Variants in ABCC9 observed in about 807,000 individuals in gnomAD.
ABCC9 encodes ATP binding cassette subfamily C member 9, also known as ATP-binding cassette sub-family C member 9.
In ABCC9, 95 loss-of-function variants were observed where a neutral mutation model predicts 188.3. That is an observed-to-expected ratio of 0.50 (90% confidence interval 0.43 to 0.60). The LOEUF (loss-of-function observed/expected upper bound fraction) is 0.60, where lower values mean the gene tolerates loss of function less well. Ranked by LOEUF, ABCC9 falls within the 20% of genes least tolerant of loss-of-function variation. The pLI, the probability that ABCC9 is intolerant of heterozygous loss-of-function variation, is 0.00. For missense variants in ABCC9, 1,102 were observed against 1,876.3 expected, an observed-to-expected ratio of 0.59 and a Z score of 7.62; for synonymous variants, 659 against 652.7, an observed-to-expected ratio of 1.01 and a Z score of -0.15.
rs1474098186 is a variant in ABCC9 at position 21,842,526 on chromosome 12, A to T, written c.3316-55T>A. On this transcript the variant is annotated intron_variant, in intron 28 of 39. Transcript: ENST00000261200. ...ATTAGCCCAGTGAAATATTGGCTGCAATGTAACAAAAATACCTATTTTTAT... is the reference window on the plus strand; with the variant it reads ...ATTAGCCCAGTGAAATATTGGCTGCTATGTAACAAAAATACCTATTTTTAT... 2.6e-6 allele frequency: 4 copies of T among 1,556,406 alleles called. No individual in the cohort carries two copies. The Admixed American group carries it at 6.7e-5, about 26-fold the overall frequency.
chr12:21,903,193 C>T (rs1340834018), intron 12 of ABCC9, among the ~76,000 whole-genome samples: 1 of 152,180 alleles, frequency 6.6e-6, no homozygotes, highest in East Asian at 1.9e-4. Context: ...ATGATTATCT[C>T]AGTAGATGCA....
At position 21,797,503 on chromosome 12, in the gene ABCC9, A is replaced by G. The variant is rs78132170; in HGVS notation, c.*3541T>C. 1 of 152,370 alleles carries G rather than the reference A, an allele frequency of 6.6e-6. No individual in the cohort carries two copies. Among genetic ancestry groups the G allele is most frequent in the East Asian group, 1.9e-4 (1 of 5,194 alleles). The allele number at this position is 152,370 out of a possible 1,614,324, so 9.4% of individuals were successfully genotyped here. On this transcript the variant is annotated 3_prime_UTR_variant, in exon 40 of 40. Transcript: ENST00000261200. Reference sequence around the variant, plus strand: ...AACAAATACATTTTATATATTGTAGAGAATAAATAGAATAAACACAACATA... The same window carrying G: ...AACAAATACATTTTATATATTGTAGGGAATAAATAGAATAAACACAACATA...
At chr12:21,893,967 C>T in intron 14 of ABCC9, 65 bp downstream of exon 14, 3 of 1,512,630 alleles carry the variant, frequency 2.0e-6, no homozygotes, top group Non-Finnish European at 2.7e-6. Flanking sequence ...TTTTCAAATA[C>T]TCCTATTAGC....
At chr12:21,921,605 G>A (rs1948822607) in intron 5 of ABCC9, among the ~76,000 whole-genome samples, 2 of 151,936 alleles carry the variant, frequency 1.3e-5, no homozygotes, top group South Asian at 4.1e-4. Context: ...TTATTGCTCT[G>A]GTTGCCTGTG....
chr12:21,858,843 G>T (rs1945359852), intron 22 of ABCC9, among the ~76,000 whole-genome samples: 1 of 152,076 alleles, frequency 6.6e-6, no homozygotes, highest in South Asian at 2.1e-4. Context: ...ATTGATAAGT[G>T]GTTAATAATT....
At chr12:21,815,321 A>T (rs1942536789) in intron 34 of ABCC9, among the ~76,000 whole-genome samples, 2 of 138,826 alleles carry the variant, frequency 1.4e-5, no homozygotes, top group African/African-American at 2.7e-5. Context: ...ATATTGTTGG[A>T]CTAACAAATA....
chr12:21,852,615 T>TC (rs1478713489), intron 22 of ABCC9, 110 bp from the exon 23 acceptor site: 1 of 1,279,472 alleles, frequency 7.8e-7, no homozygotes, highest in African/African-American at 1.5e-5. Context: ...ATCCCCCAAA[T>TC]CTAATTTATT....
chr12:21,843,450 G>GT (rs1944489771), intron 28 of ABCC9, among the ~76,000 whole-genome samples: 1 of 152,062 alleles, frequency 6.6e-6, no homozygotes, highest in African/African-American at 2.4e-5. Context: ...TTCTTTCTCT[G>GT]TACAGGATTG....
rs112065766 is a variant in ABCC9, at chr12:21,888,006, C to T, written c.1803-72G>A. 280 of 1,122,160 alleles carry T rather than the reference C, an allele frequency of 2.5e-4. 2 individuals are homozygous for T. Among genetic ancestry groups the T allele is most frequent in the Non-Finnish European group, 3.5e-4 (254 of 733,534 alleles). 69.5% of individuals were successfully genotyped at this position (1,122,160 alleles called of 1,614,324 possible). A position where few individuals can be genotyped will look rare whatever the true frequency, so the allele number is the denominator to read the frequency against. The stretch of plus-strand genomic sequence containing the variant: ...CACCAACAAAGTGCTACCTAAATAA[C>T]GACTTTAACACACAGTATTATGGTG... On this transcript the variant is annotated intron_variant, in intron 14 of 39. Transcript: ENST00000261200.
At chr12:21,935,595 G>C (rs1045318021) in intron 3 of ABCC9, among the ~76,000 whole-genome samples, 7 of 151,956 alleles carry the variant, frequency 4.6e-5, no homozygotes, top group African/African-American at 1.7e-4. Flanking sequence ...TTATTTAATT[G>C]GAAAGATACC....
chr12:21,843,807 A>G (rs920002211), intron 28 of ABCC9, among the ~76,000 whole-genome samples: 21 of 152,190 alleles, frequency 1.4e-4, no homozygotes, highest in African/African-American at 5.1e-4. Flanking sequence ...CATACTCTGC[A>G]GTCAGCTGCA....
rs767089303 is a variant in ABCC9 at position 21,815,886 on chromosome 12, A to G, written c.3900T>C (p.Ser1300=). 2 of 1,612,940 alleles carry G rather than the reference A, an allele frequency of 1.2e-6. No homozygotes were observed. The highest frequency in any genetic ancestry group is 1.7e-6 in the Non-Finnish European group (2 of 1,179,454). Residue 1300 remains serine, a synonymous_variant, in exon 34 of 40, where the codon TCT becomes TCC. Coordinates refer to ENST00000261200, the MANE Select transcript of ABCC9 (RefSeq NM_020297.4). ...CTTGTGGCCAATGTTCTGGAACTTGAGAAGGATCTGGAGGATGGGATGGGG... is the reference window on the plus strand; with the variant it reads ...CTTGTGGCCAATGTTCTGGAACTTGGGAAGGATCTGGAGGATGGGATGGGG... ...SENYEGTMDP[S]QVPEHWPQEG...
chr12:21,916,982 C>A lies in ABCC9; in HGVS notation c.528G>T (p.Leu176Phe). The change falls in exon 6 of 40, where the codon TTG becomes TTT. Residue 176 changes from leucine to phenylalanine, a missense_variant. Coordinates refer to ENST00000261200, the MANE Select transcript of ABCC9 (RefSeq NM_020297.4). ...RFCITGMMVI[L>F]NGLLMAVEIN... ...TCTCCACAGCCATCAAGAGCCCATT[C>A]AAGATGACCATCATGCCTGTGATGC... 6.2e-7 allele frequency: 1 copy of A among 1,613,846 alleles called. No homozygotes were observed. The highest frequency in any genetic ancestry group is 8.5e-7 in the Non-Finnish European group (1 of 1,179,824).
chr12:21,807,502 G>T, intron 37 of ABCC9, 23 bp from the exon 38 acceptor site: 1 of 1,613,450 alleles, frequency 6.2e-7, no homozygotes. Flanking sequence ...AAGAAGCAAG[G>T]ATTTCACTAA....
intron 14 of ABCC9, among the ~76,000 whole-genome samples, chr12:21,889,116 T>C (rs1947020423): frequency 6.6e-6 from 1 of 152,226 alleles, no homozygotes; most frequent in Admixed American, 6.5e-5. Context: ...TTTAATTTAG[T>C]CTGTTGCCCA....
At chr12:21,906,378 T>G in intron 11 of ABCC9, 90 bp from the exon 12 acceptor site, 1 of 1,371,726 alleles carries the variant, frequency 7.3e-7, no homozygotes, top group Non-Finnish European at 1.0e-6. Flanking sequence ...TGAGGAGACC[T>G]TGATTTCAGA....
intron 30 of ABCC9, among the ~76,000 whole-genome samples, chr12:21,829,542 C>G (rs551917787): frequency 7.9e-5 from 12 of 152,304 alleles, no homozygotes; most frequent in African/African-American, 2.9e-4. Flanking sequence ...CCAGCTACTA[C>G]TGCTCTTTGC....
chr12:21,856,512 TA>T (rs1283942399), intron 22 of ABCC9, among the ~76,000 whole-genome samples: 9 of 1,606 alleles, frequency 5.6e-3, no homozygotes, highest in Non-Finnish European at 0.014. Flanking sequence ...TCAAAAATAA[TA>T]TTTTTGATAC....
At chr12:21,829,120 A>G (rs1943564370) in intron 30 of ABCC9, 60 bp from the exon 31 acceptor site, 1 of 1,143,152 alleles carries the variant, frequency 8.7e-7, no homozygotes, top group Non-Finnish European at 1.3e-6. Context: ...AGAAACAGTC[A>G]CACTTATTAC....
Sources: allele counts gnomAD v4.1 joint callset (sites outside exome capture counted in the v4.1 genomes callset), GRCh38; gene constraint gnomAD v4.1.1; transcripts MANE v1.5; gene names NCBI Gene and HGNC (gene_info 2026-07-23, HGNC 2026-07-21).